The following ARHGEF4 variants were observed in gnomAD, a reference collection of about 807,000 sequenced individuals.
ARHGEF4 encodes Rho guanine nucleotide exchange factor 4, also known as APC-stimulated guanine nucleotide exchange factor 1.
ARHGEF4 carries 119 observed loss-of-function variants against 162.0 expected under a neutral mutation model. The observed-to-expected ratio is 0.73, with a 90% confidence interval of 0.63 to 0.86. ARHGEF4 has a LOEUF of 0.86. Ranked by LOEUF, ARHGEF4 falls within the 40% of genes least tolerant of loss-of-function variation. ARHGEF4 has a pLI of 0.00. For missense variants in ARHGEF4, 2,488 were observed against 2,456.0 expected (o/e 1.01, Z -0.28); for synonymous variants, 1,014 against 979.9 (o/e 1.03, Z -0.65).
In ARHGEF4 at chr2:130,940,467, T is replaced by C. The variant is rs1430937823; in HGVS notation, c.3859-6042T>C. ...CCTGCCACCATGCCCGACTAATTTTTTGTATTTTTAGTAGAGACGGGATTT... is the reference window on the plus strand; with the variant it reads ...CCTGCCACCATGCCCGACTAATTTTCTGTATTTTTAGTAGAGACGGGATTT... On this transcript the variant is annotated intron_variant, in intron 3 of 13. Transcript: ENST00000409359. Among the ~76,000 whole-genome samples the C allele has an allele frequency of 2.0e-5, 3 of 151,850 alleles. No homozygotes were observed. The East Asian group carries it at 5.9e-4, about 30-fold the overall frequency.
At chr2:131,012,620 G>T (rs888588998) in intron 4 of ARHGEF4, among the ~76,000 whole-genome samples, 4 of 152,076 alleles carry the variant, frequency 2.6e-5, no homozygotes, top group Non-Finnish European at 1.5e-5. Flanking sequence ...TTGCTCTTCT[G>T]CCCAGGCTGA....
At chr2:130,946,795 C>T (rs1235156551) in intron 4 of ARHGEF4, 160 bp downstream of exon 4, 3 of 980,426 alleles carry the variant, frequency 3.1e-6, no homozygotes, top group Non-Finnish European at 4.4e-6. Context: ...GGAGGAGTGC[C>T]TACTACCCAA....
At chr2:130,846,048 A>T (rs780043621) in intron 1 of ARHGEF4, among the ~76,000 whole-genome samples, 1 of 151,612 alleles carries the variant, frequency 6.6e-6, no homozygotes, top group Non-Finnish European at 1.5e-5. Context: ...CGTCAGTTAC[A>T]CCTCGATCAA....
At chr2:131,033,509 G>C (rs1573672614) in intron 5 of ARHGEF4, among the ~76,000 whole-genome samples, 1 of 152,336 alleles carries the variant, frequency 6.6e-6, no homozygotes, top group East Asian at 1.9e-4. Context: ...CCAGGGCCCA[G>C]AGGACATGTA....
At chr2:130,954,104 G>A (rs761117584) in intron 4 of ARHGEF4, among the ~76,000 whole-genome samples, 5 of 152,194 alleles carry the variant, frequency 3.3e-5, no homozygotes, top group Non-Finnish European at 5.9e-5. Flanking sequence ...ACGTGCACAT[G>A]TATGTTTATT....
In ARHGEF4 at chr2:131,019,924, A is replaced by G. The variant is rs560305485; in HGVS notation, c.3986-8021A>G. Among the ~76,000 whole-genome samples the G allele has an allele frequency of 1.0e-3, 153 of 152,236 alleles. 1 individual carries two copies. The highest frequency in any genetic ancestry group is 1.7e-3 in the Non-Finnish European group (114 of 68,010). On this transcript the variant is annotated intron_variant, in intron 4 of 13. Transcript: ENST00000409359. ...GCTGGGATTACAGGCGTGAGCCACCATGCCTGGCCAGTATTTTATTCTTTT... is the reference window on the plus strand; with the variant it reads ...GCTGGGATTACAGGCGTGAGCCACCGTGCCTGGCCAGTATTTTATTCTTTT...
chr2:130,910,650 T>G (rs149726497), intron 1 of ARHGEF4, among the ~76,000 whole-genome samples: 1 of 152,312 alleles, frequency 6.6e-6, no homozygotes, highest in African/African-American at 2.4e-5. Context: ...TAATGAGCCC[T>G]TGTTAACACT....
intron 3 of ARHGEF4, among the ~76,000 whole-genome samples, chr2:130,932,942 C>T (rs576003564): frequency 7.9e-5 from 12 of 152,298 alleles, no homozygotes; most frequent in South Asian, 6.2e-4. Flanking sequence ...ACCCGCCAGG[C>T]GCAATGGCTC....
intron 1 of ARHGEF4, among the ~76,000 whole-genome samples, chr2:130,874,182 C>G (rs775693929): frequency 3.9e-5 from 6 of 152,256 alleles, no homozygotes; most frequent in Non-Finnish European, 7.3e-5. Flanking sequence ...AACGGAGGCT[C>G]AGTCCCTGCA....
chr2:130,901,066 A>C (rs1574190735), intron 1 of ARHGEF4, among the ~76,000 whole-genome samples: 1 of 151,778 alleles, frequency 6.6e-6, no homozygotes, highest in Admixed American at 6.6e-5. Flanking sequence ...TGGGCTTCCC[A>C]CTCTGTCTCT....
intron 1 of ARHGEF4, among the ~76,000 whole-genome samples, chr2:130,875,082 CTT>C (rs1010963151): frequency 6.6e-6 from 1 of 152,152 alleles, no homozygotes; most frequent in Non-Finnish European, 1.5e-5. Flanking sequence ...TGGAAGATGA[CTT>C]TAAAATTAGA....
intron 4 of ARHGEF4, among the ~76,000 whole-genome samples, chr2:131,017,288 G>T (rs887738137): frequency 6.6e-6 from 1 of 152,142 alleles, no homozygotes; most frequent in African/African-American, 2.4e-5. Context: ...TTTGCACAGA[G>T]CCTGGATCTC....
chr2:131,037,927 A>C (rs1690427563), intron 5 of ARHGEF4, among the ~76,000 whole-genome samples: 1 of 152,176 alleles, frequency 6.6e-6, no homozygotes, highest in Non-Finnish European at 1.5e-5. Flanking sequence ...CTTCTCCTAG[A>C]ACTTGGGAAA....
At chr2:131,035,866 C>T (rs976823590) in intron 5 of ARHGEF4, 60 of 985,228 alleles carry the variant, frequency 6.1e-5, no homozygotes, top group Non-Finnish European at 6.9e-5. Flanking sequence ...AGGGCAGTGG[C>T]GGTCACAGGG....
chr2:130,999,490 C>T (rs1398341886), intron 4 of ARHGEF4, among the ~76,000 whole-genome samples: 1 of 151,814 alleles, frequency 6.6e-6, no homozygotes, highest in Non-Finnish European at 1.5e-5. Context: ...ATTTTTGATA[C>T]CAGGTCTTTA....
intron 3 of ARHGEF4, among the ~76,000 whole-genome samples, chr2:130,945,892 T>TA (rs1372772214): frequency 6.6e-6 from 1 of 151,970 alleles, no homozygotes; most frequent in East Asian, 1.9e-4. Context: ...GTATGAGGAA[T>TA]AAAAAAGCAA....
intron 8 of ARHGEF4, 144 bp downstream of exon 8, chr2:131,040,584 C>T (rs898265920): frequency 1.0e-5 from 10 of 982,918 alleles, no homozygotes; most frequent in African/African-American, 9.9e-5. Context: ...CCCCGCTGCC[C>T]GCACCCTTCA....
Position 130,914,424 on chromosome 2 carries a change from C to G in ARHGEF4, c.478C>G (p.His160Asp). ...ATVAGEQEAG[H>D]LWDCATSLER... ...AGTTGCTGGAGAACAGGAGGCAGGA[C>G]ACCTCTGGGACTGCGCGACCAGCCT... is the stretch of plus-strand genomic sequence containing the variant. The change falls in exon 2 of 14, where the codon CAC (histidine) becomes GAC (aspartate). Residue 160 changes from histidine (H) to aspartate (D), a missense_variant. This residue lies in a region of ARHGEF4 where 81 missense variants were observed against 125.8 expected (regional missense o/e 0.64). Coordinates refer to ENST00000409359, the MANE Select transcript of ARHGEF4 (RefSeq NM_001367493.1). 1 of 1,442,514 alleles carries G rather than the reference C, an allele frequency of 6.9e-7. No homozygotes were observed. Among genetic ancestry groups the G allele is most frequent in the Non-Finnish European group, 9.1e-7 (1 of 1,104,114 alleles). The allele number at this position is 1,442,514 out of a possible 1,614,324, so 89.4% of individuals were successfully genotyped here.
rs1249638201 is a variant in ARHGEF4 at position 131,041,473 on chromosome 2, A to G, written c.4895+11A>G. 6.2e-7 allele frequency: 1 copy of G among 1,607,694 alleles called. No individual in the cohort carries two copies. Among genetic ancestry groups the G allele is most frequent in the Non-Finnish European group, 8.5e-7 (1 of 1,176,972 alleles). ...GCACCCCCAGCACAGGTAGGAGGGC[A>G]CTGAGGCAGGGAGGCAGCCCACGCC... On this transcript the variant is annotated intron_variant, in intron 9 of 13. Transcript: ENST00000409359.
Sources: allele counts gnomAD v4.1 joint callset (sites outside exome capture counted in the v4.1 genomes callset), GRCh38; gene constraint gnomAD v4.1.1; regional missense constraint gnomAD v4.1.1; transcripts MANE v1.5; gene names NCBI Gene and HGNC (gene_info 2026-07-23, HGNC 2026-07-21).